Variants in CERS3 observed in about 807,000 individuals in gnomAD.
CERS3 encodes ceramide synthase 3.
In CERS3, 33 loss-of-function variants were observed where a neutral mutation model predicts 50.3. The ratio of observed to expected loss-of-function variants is 0.66; its 90% CI spans 0.50 to 0.88. CERS3 has a LOEUF of 0.88. Among genes scored for constraint, CERS3 ranks in the 40% least tolerant of loss-of-function variants. The probability of loss-of-function intolerance (pLI) is 0.00; values close to 1 mark genes in which losing one functional copy is unlikely to be tolerated. For missense variants in CERS3, 470 were observed against 460.3 expected (o/e 1.02, Z -0.19); for synonymous variants, 176 against 155.2 (o/e 1.13, Z -0.99).
chr15:100,517,682 TTATG>T (rs2036529605), intron 2 of CERS3, among the ~76,000 whole-genome samples: 1 of 152,100 alleles, frequency 6.6e-6, no homozygotes, highest in Non-Finnish European at 1.5e-5. Context: ...AATGTGTTTC[TTATG>T]TAATGTTTGC....
intron 11 of CERS3, among the ~76,000 whole-genome samples, chr15:100,438,759 C>T (rs2033545232): frequency 6.6e-6 from 1 of 152,242 alleles, no homozygotes; most frequent in South Asian, 2.1e-4. Flanking sequence ...GCTGGTTTCT[C>T]CATGCTGGCT....
chr15:100,489,866 C>T (rs997453257), intron 4 of CERS3, among the ~76,000 whole-genome samples: 5 of 152,204 alleles, frequency 3.3e-5, no homozygotes, highest in African/African-American at 1.2e-4. Flanking sequence ...ATGAGCAATT[C>T]TGGACACCAT....
chr15:100,488,817 A>T (rs888067343), intron 4 of CERS3, among the ~76,000 whole-genome samples: 3 of 148,350 alleles, frequency 2.0e-5, no homozygotes, highest in Non-Finnish European at 4.4e-5. Context: ...TCACTCTGTC[A>T]CCAGGCTGGA....
chr15:100,490,999 A>T, intron 3 of CERS3, 68 bp from the exon 4 acceptor site: 2 of 941,944 alleles, frequency 2.1e-6, no homozygotes, highest in South Asian at 1.5e-5. Context: ...CCAGAAAATT[A>T]AAGCTGTAAC....
chr15:100,471,914 C>T (rs1307406304), intron 9 of CERS3, among the ~76,000 whole-genome samples: 1 of 152,070 alleles, frequency 6.6e-6, no homozygotes, highest in Admixed American at 6.5e-5. Context: ...GCCGATCAGC[C>T]CTTAAGAATG....
intron 11 of CERS3, among the ~76,000 whole-genome samples, chr15:100,416,905 C>A (rs1046743515): frequency 1.3e-5 from 2 of 152,112 alleles, no homozygotes; most frequent in African/African-American, 2.4e-5. Flanking sequence ...CATTAAAAAA[C>A]GGGCAAAAGA....
chr15:100,407,668 G>GA (rs995475135), intron 11 of CERS3, among the ~76,000 whole-genome samples: 6 of 150,630 alleles, frequency 4.0e-5, no homozygotes, highest in South Asian at 2.1e-4. Context: ...AAATATTCAG[G>GA]AAAAAAAAAG....
chr15:100,452,893 C>A (rs146454046), intron 11 of CERS3, among the ~76,000 whole-genome samples: 1 of 151,990 alleles, frequency 6.6e-6, no homozygotes, highest in East Asian at 1.9e-4. Context: ...ACTGGAAAAC[C>A]TAGAGGCAAT....
At position 100,476,164 on chromosome 15, in the gene CERS3, G is replaced by A; in HGVS notation, c.531C>T (p.Ser177=). 1 of 1,572,766 alleles carries A rather than the reference G, an allele frequency of 6.4e-7. No homozygotes were observed. Among genetic ancestry groups the A allele is most frequent in the Non-Finnish European group, 8.6e-7 (1 of 1,165,298 alleles). The change falls in exon 8 of 12, where the codon TCC becomes TCT. Residue 177 remains serine, a synonymous_variant. Transcript: ENST00000679737. ...TTTCTAAAATGTAGTACCAGTACTG[G>A]GATGGCAGCAGGGGCTGAGGAAAAG... The part of the protein sequence containing the change: ...NGYPKQPLLP[S]QYWYYILEMS...
At chr15:100,438,014 C>G (rs1488756236) in intron 11 of CERS3, 1 of 149,048 alleles carries the variant, frequency 6.7e-6, no homozygotes, top group Non-Finnish European at 1.5e-5. Flanking sequence ...CTTGATTACT[C>G]ATCAATTGGA....
chr15:100,533,464 G>A (rs11247222), upstream of CERS3, among the ~76,000 whole-genome samples: 83,860 of 151,700 alleles, frequency 0.55, 23,448 homozygotes, highest in South Asian at 0.65. Flanking sequence ...TACTTTTTGA[G>A]GACCAATTCA....
At chr15:100,419,377 G>C (rs369525745) in intron 11 of CERS3, among the ~76,000 whole-genome samples, 2 of 114,998 alleles carry the variant, frequency 1.7e-5, no homozygotes, top group East Asian at 2.5e-4. Flanking sequence ...AACAAGAAGA[G>C]CTAACTATCC....
chr15:100,474,429 G>A (rs764966442), intron 8 of CERS3, among the ~76,000 whole-genome samples: 22 of 150,080 alleles, frequency 1.5e-4, no homozygotes, highest in Non-Finnish European at 3.0e-4. Flanking sequence ...TTTTTGAGAC[G>A]GAGTCTTGCT....
upstream of CERS3, among the ~76,000 whole-genome samples, chr15:100,530,683 T>G (rs936812113): frequency 6.6e-6 from 1 of 152,176 alleles, no homozygotes; most frequent in Non-Finnish European, 1.5e-5. Flanking sequence ...GTACCCAAAA[T>G]AGTGATCATC....
intron 11 of CERS3, among the ~76,000 whole-genome samples, chr15:100,437,329 T>C (rs1437378924): frequency 6.6e-6 from 1 of 152,178 alleles, no homozygotes; most frequent in African/African-American, 2.4e-5. Flanking sequence ...GAAAGTGCAG[T>C]TTTACATTCA....
In CERS3 at chr15:100,459,723, T is replaced by G. The variant is rs531526894; in HGVS notation, c.846-3677A>C. On this transcript the variant is annotated intron_variant, in intron 10 of 11. Transcript: ENST00000679737. Reference sequence around the variant, plus strand: ...GCTTTCCAGAAAGACTATACCAATTTATATTCTTGCACCCAATATATAAGA... The same window carrying G: ...GCTTTCCAGAAAGACTATACCAATTGATATTCTTGCACCCAATATATAAGA... 2.3e-4 allele frequency among the ~76,000 whole-genome samples: 35 copies of G among 152,324 alleles called. 1 individual carries two copies. The East Asian group carries it at 6.0e-3, about 26-fold the overall frequency.
intron 4 of CERS3, among the ~76,000 whole-genome samples, chr15:100,485,322 G>A (rs1263097039): frequency 6.6e-6 from 1 of 152,122 alleles, no homozygotes; most frequent in Non-Finnish European, 1.5e-5. Context: ...TTCTCTTTTG[G>A]GAAGTAGAAG....
At chr15:100,453,165 C>T (rs1313021412) in intron 11 of CERS3, among the ~76,000 whole-genome samples, 1 of 151,866 alleles carries the variant, frequency 6.6e-6, no homozygotes, top group Non-Finnish European at 1.5e-5. Flanking sequence ...CCAGCGTTAC[C>T]TTGATATCAA....
At chr15:100,543,678 C>T (rs1454030384) in intron 1 of CERS3, among the ~76,000 whole-genome samples, 1 of 152,066 alleles carries the variant, frequency 6.6e-6, no homozygotes, top group Non-Finnish European at 1.5e-5. Flanking sequence ...CACAGGTGCC[C>T]ACCACCACGC....
Sources: gnomAD v4.1 joint callset for allele counts (sites outside exome capture counted in the v4.1 genomes callset) on GRCh38, gnomAD v4.1.1 for gene constraint, MANE v1.5 for transcripts, NCBI Gene and HGNC (gene_info 2026-07-23, HGNC 2026-07-21) for gene names.